The following CDKL4 variants were observed in gnomAD, a reference collection of about 807,000 sequenced individuals.
CDKL4 encodes the protein cyclin-dependent kinase-like 4.
CDKL4 carries 44 observed loss-of-function variants against 42.0 expected under a neutral mutation model. The observed-to-expected ratio is 1.05, with a 90% confidence interval of 0.82 to 1.35. The LOEUF is 1.35. CDKL4 is among the 40% of genes most tolerant of loss of function. The pLI is 0.00. For synonymous variants in CDKL4, 120 were observed against 121.6 expected, an observed-to-expected ratio of 0.99 and a Z score of 0.09; for missense variants, 393 against 369.9, an observed-to-expected ratio of 1.06 and a Z score of -0.51.
chr2:39,186,948 A>G (rs899858188), intron 7 of CDKL4, among the ~76,000 whole-genome samples: 1 of 152,176 alleles, frequency 6.6e-6, no homozygotes, highest in Non-Finnish European at 1.5e-5. Context: ...TTCCTGGCTC[A>G]TTGTAATGTA....
chr2:39,245,413 G>A (rs954024058), upstream of CDKL4, among the ~76,000 whole-genome samples: 3 of 152,056 alleles, frequency 2.0e-5, no homozygotes, highest in African/African-American at 7.2e-5. Context: ...ACATCAGAAG[G>A]AACAAACTCC....
At chr2:39,197,298 A>G (rs568180332) in intron 5 of CDKL4, among the ~76,000 whole-genome samples, 21 of 152,342 alleles carry the variant, frequency 1.4e-4, no homozygotes, top group Middle Eastern at 3.4e-3. Flanking sequence ...AAGAATTAAA[A>G]AAATGAACAA....
chr2:39,177,220 C>A (rs1675201287), intron 9 of CDKL4, among the ~76,000 whole-genome samples: 1 of 152,108 alleles, frequency 6.6e-6, no homozygotes, highest in African/African-American at 2.4e-5. Context: ...GGTAGCACAG[C>A]TGTAAACCCA....
At chr2:39,206,294 C>A (rs1419871874) in intron 4 of CDKL4, among the ~76,000 whole-genome samples, 2 of 152,152 alleles carry the variant, frequency 1.3e-5, no homozygotes, top group Non-Finnish European at 2.9e-5. Flanking sequence ...GTTGTCCAGG[C>A]TGGTCTTGAA....
At chr2:39,201,519 C>T (rs754161653) in intron 5 of CDKL4, among the ~76,000 whole-genome samples, 14 of 151,990 alleles carry the variant, frequency 9.2e-5, no homozygotes, top group Non-Finnish European at 1.5e-4. Context: ...TATTTGCACA[C>T]GCATGTTTAC....
intron 5 of CDKL4, among the ~76,000 whole-genome samples, chr2:39,199,249 A>G: frequency 6.6e-6 from 1 of 152,148 alleles, no homozygotes. Flanking sequence ...AGGAGGATGG[A>G]TAAATTCCTG....
chr2:39,232,472 C>G (rs913539288), intron 1 of CDKL4, among the ~76,000 whole-genome samples: 8 of 152,198 alleles, frequency 5.3e-5, no homozygotes, highest in Admixed American at 2.0e-4. Context: ...ACAGAATCAT[C>G]TAAAAATTGG....
chr2:39,210,004 T>G (rs986874440), intron 4 of CDKL4, among the ~76,000 whole-genome samples: 1 of 152,200 alleles, frequency 6.6e-6, no homozygotes, highest in African/African-American at 2.4e-5. Context: ...TTATCTTTTT[T>G]TGAGACAGAC....
chr2:39,194,157 G>C (rs1350702583), intron 5 of CDKL4, among the ~76,000 whole-genome samples: 1 of 152,076 alleles, frequency 6.6e-6, no homozygotes, highest in Non-Finnish European at 1.5e-5. Context: ...GCTCTCAGTA[G>C]TTATTGTTTG....
intron 1 of CDKL4, among the ~76,000 whole-genome samples, chr2:39,235,082 G>C (rs904905746): frequency 1.3e-5 from 2 of 151,956 alleles, no homozygotes; most frequent in Non-Finnish European, 1.5e-5. Flanking sequence ...TTGGTTTGCT[G>C]CCCAGGGCTG....
Position 39,179,167 on chromosome 2 carries a change from T to G in CDKL4, c.927+20A>C. ...AAAAGGAATTATTTTTATAGCACTT[T>G]AACTTTTGAGCGGAAGTACCTGTTG... On this transcript the variant is annotated intron_variant, in intron 9 of 9. Transcript: ENST00000451199. 1 of 1,588,810 alleles carries G rather than the reference T, an allele frequency of 6.3e-7. No individual in the cohort carries two copies. The highest frequency in any genetic ancestry group is 8.5e-7 in the Non-Finnish European group (1 of 1,174,010).
At chr2:39,170,559 C>T in the CDKL4 span, among the ~76,000 whole-genome samples, 4 of 152,006 alleles carry the variant, frequency 2.6e-5, no homozygotes, top group Non-Finnish European at 5.9e-5. Flanking sequence ...CGGATTCAAG[C>T]GATTCTCTTG....
chr2:39,185,414 A>G (rs1484718238), intron 7 of CDKL4, among the ~76,000 whole-genome samples: 1 of 19,728 alleles, frequency 5.1e-5, no homozygotes, highest in African/African-American at 9.0e-5. Flanking sequence ...GTGTATATAT[A>G]CATATATATA....
intron 9 of CDKL4, chr2:39,178,571 T>C: frequency 6.4e-7 from 1 of 1,551,550 alleles, no homozygotes; most frequent in East Asian, 2.4e-5. Flanking sequence ...CAAAGTTTTC[T>C]GAAAGCAAGT....
At chr2:39,234,462 G>C (rs1457107902) in intron 1 of CDKL4, among the ~76,000 whole-genome samples, 2 of 152,136 alleles carry the variant, frequency 1.3e-5, no homozygotes, top group Admixed American at 1.3e-4. Flanking sequence ...ACAGAAAGTT[G>C]AAATGGAGAC....
chr2:39,214,346 A>G (rs186312536), intron 3 of CDKL4, among the ~76,000 whole-genome samples: 47 of 152,196 alleles, frequency 3.1e-4, no homozygotes, highest in Non-Finnish European at 4.9e-4. Flanking sequence ...ATTTTCTTCA[A>G]TTTCACCCCT....
chr2:39,195,857 A>C (rs1025520823), intron 5 of CDKL4, among the ~76,000 whole-genome samples: 1 of 152,078 alleles, frequency 6.6e-6, no homozygotes, highest in Non-Finnish European at 1.5e-5. Flanking sequence ...TTCTGAGGAA[A>C]ATGGTTGATA....
intron 4 of CDKL4, among the ~76,000 whole-genome samples, chr2:39,212,614 T>C (rs548663606): frequency 4.7e-4 from 72 of 151,848 alleles, no homozygotes; most frequent in African/African-American, 1.7e-3. Flanking sequence ...AAAATAATAG[T>C]TAAAAAAAAA....
the CDKL4 span, among the ~76,000 whole-genome samples, chr2:39,168,768 G>GT: frequency 1.4e-5 from 2 of 145,504 alleles, no homozygotes; most frequent in African/African-American, 2.5e-5. Context: ...TTGTTTGTTT[G>GT]TTTTTTTGAG....
Sources: gnomAD v4.1 joint callset for allele counts (sites outside exome capture counted in the v4.1 genomes callset) on GRCh38, gnomAD v4.1.1 for gene constraint, MANE v1.5 for transcripts, NCBI Gene and HGNC (gene_info 2026-07-23, HGNC 2026-07-21) for gene names.